The following ASAH2 variants were observed in gnomAD, a reference collection of about 807,000 sequenced individuals.
ASAH2 encodes neutral ceramidase.
In ASAH2, 58 loss-of-function variants were observed where a neutral mutation model predicts 82.9. That is an observed-to-expected ratio of 0.70 (90% CI 0.57 to 0.87). ASAH2 has a LOEUF of 0.87. Ranked by LOEUF, ASAH2 falls within the 40% of genes least tolerant of loss-of-function variation. ASAH2 has a pLI of 0.00. For synonymous variants in ASAH2, 276 were observed against 289.7 expected (o/e 0.95, Z 0.48); for missense variants, 779 against 834.0 (o/e 0.93, Z 0.81).
At chr10:50,235,849 A>G in intron 5 of ASAH2, 39 bp downstream of exon 5, 2 of 1,602,384 alleles carry the variant, frequency 1.2e-6, no homozygotes, top group Non-Finnish European at 1.7e-6. Context: ...ACCTGTAAGC[A>G]ATGGTAAAGA....
chr10:50,235,693 A>C (rs1433306250), intron 5 of ASAH2, among the ~76,000 whole-genome samples, 195 bp downstream of exon 5: 2 of 152,222 alleles, frequency 1.3e-5, no homozygotes, highest in African/African-American at 4.8e-5. Context: ...TTTTCCAATC[A>C]TCCATGCCTC....
At chr10:50,212,014 C>A (rs1440354864) in intron 10 of ASAH2, among the ~76,000 whole-genome samples, 1 of 152,182 alleles carries the variant, frequency 6.6e-6, no homozygotes, top group Non-Finnish European at 1.5e-5. Context: ...TAAATAGAAT[C>A]TGTGAATTTA....
At chr10:50,234,371 G>T in intron 6 of ASAH2, 54 bp downstream of exon 6, 4 of 1,611,452 alleles carry the variant, frequency 2.5e-6, no homozygotes, top group South Asian at 2.2e-5. Context: ...CTTAGATTTT[G>T]TTGCTGTTCC....
rs1564835331 is a variant in ASAH2 at position 50,202,838 on chromosome 10, T to C, written c.1752A>G (p.Glu584=). 6.2e-7 allele frequency: 1 copy of C among 1,605,218 alleles called. No homozygotes were observed. The highest frequency in any genetic ancestry group is 8.5e-7 in the Non-Finnish European group (1 of 1,172,350). Residue 584 remains glutamate, a synonymous_variant, in exon 16 of 21, where the codon GAA becomes GAG. Transcript: ENST00000682911. ...NVYTHYITTY[E]EYQAQRYEAA... Reference sequence around the variant, plus strand: ...AAACGTTTTGCTTTACCTGGTATTCTTCATAAGTGGTAATGTAATGTGTAT... The same window carrying C: ...AAACGTTTTGCTTTACCTGGTATTCCTCATAAGTGGTAATGTAATGTGTAT...
chr10:50,203,590 C>G, intron 15 of ASAH2, 50 bp downstream of exon 15: 2 of 904,934 alleles, frequency 2.2e-6, no homozygotes, highest in South Asian at 2.7e-5. Flanking sequence ...ATATACTTTC[C>G]TCTTCACCAA....
chr10:50,217,673 C>T (rs1845641392), intron 8 of ASAH2, among the ~76,000 whole-genome samples: 1 of 152,182 alleles, frequency 6.6e-6, no homozygotes, highest in Non-Finnish European at 1.5e-5. Context: ...AAATAAACCT[C>T]TTTTCTTTAT....
chr10:50,210,113 A>G (rs1168560578), intron 12 of ASAH2, among the ~76,000 whole-genome samples: 1 of 152,210 alleles, frequency 6.6e-6, no homozygotes, highest in Admixed American at 6.5e-5. Flanking sequence ...TAGATTCATA[A>G]TAACCAAAAC....
chr10:50,238,687 A>C (rs1412725522), intron 4 of ASAH2, among the ~76,000 whole-genome samples: 2 of 152,180 alleles, frequency 1.3e-5, no homozygotes, highest in African/African-American at 4.8e-5. Flanking sequence ...GCCACGAGTC[A>C]ACTTTAAAGC....
chr10:50,208,750 A>G (rs942162513), intron 12 of ASAH2, among the ~76,000 whole-genome samples: 9 of 152,166 alleles, frequency 5.9e-5, no homozygotes, highest in African/African-American at 2.2e-4. Flanking sequence ...ATTAATCTGT[A>G]AATTCAATGA....
intron 18 of ASAH2, among the ~76,000 whole-genome samples, chr10:50,193,534 T>A (rs1371588462): frequency 4.6e-5 from 7 of 151,146 alleles, no homozygotes; most frequent in African/African-American, 1.7e-4. Context: ...CAGAGAACAG[T>A]CCCCAGGCTC....
chr10:50,203,578 G>GGT, intron 15 of ASAH2, 62 bp downstream of exon 15: 5 of 485,160 alleles, frequency 1.0e-5, no homozygotes, highest in South Asian at 2.2e-5. Flanking sequence ...CATAGGGATA[G>GGT]GATATACTTT....
intron 4 of ASAH2, among the ~76,000 whole-genome samples, chr10:50,241,237 C>G (rs1230249185): frequency 6.6e-6 from 1 of 152,194 alleles, no homozygotes; most frequent in Non-Finnish European, 1.5e-5. Context: ...GACAGAATTC[C>G]TGACCCATAG....
At chr10:50,229,200 A>T (rs1589347060) in intron 7 of ASAH2, among the ~76,000 whole-genome samples, 1 of 152,070 alleles carries the variant, frequency 6.6e-6, no homozygotes, top group East Asian at 1.9e-4. Flanking sequence ...ATTTTCCTCT[A>T]TTGGATGACA....
intron 18 of ASAH2, among the ~76,000 whole-genome samples, chr10:50,196,183 GA>G (rs1439235540): frequency 1.3e-5 from 2 of 151,546 alleles, no homozygotes; most frequent in African/African-American, 4.8e-5. Flanking sequence ...TTATCAAGTA[GA>G]AAATTAAATA....
At chr10:50,213,307 A>C (rs1188352910) in intron 9 of ASAH2, among the ~76,000 whole-genome samples, 1 of 152,154 alleles carries the variant, frequency 6.6e-6, no homozygotes, top group African/African-American at 2.4e-5. Context: ...TCAGGTTAAA[A>C]GATGTGTTGC....
At chr10:50,210,410 G>A (rs1845421738) in intron 12 of ASAH2, among the ~76,000 whole-genome samples, 1 of 152,138 alleles carries the variant, frequency 6.6e-6, no homozygotes, top group African/African-American at 2.4e-5. Context: ...TGAGGCAGGA[G>A]AATAGCTTGA....
intron 7 of ASAH2, among the ~76,000 whole-genome samples, chr10:50,223,869 A>G (rs944326672): frequency 2.6e-5 from 4 of 152,196 alleles, no homozygotes; most frequent in Non-Finnish European, 5.9e-5. Flanking sequence ...TCTACAAGCC[A>G]ATGAAGCCAA....
intron 18 of ASAH2, among the ~76,000 whole-genome samples, chr10:50,194,308 T>C (rs1409522009): frequency 6.6e-6 from 1 of 151,420 alleles, no homozygotes; most frequent in Non-Finnish European, 1.5e-5. Context: ...TTATACACCA[T>C]GACTAAATGA....
At chr10:50,231,351 C>T (rs1263996492) in intron 7 of ASAH2, among the ~76,000 whole-genome samples, 3 of 152,106 alleles carry the variant, frequency 2.0e-5, no homozygotes, top group African/African-American at 4.8e-5. Flanking sequence ...GTGAGAAATC[C>T]CATGACTCCT....
Sources: gnomAD v4.1 joint callset for allele counts (sites outside exome capture counted in the v4.1 genomes callset) on GRCh38, gnomAD v4.1.1 for gene constraint, MANE v1.5 for transcripts, NCBI Gene and HGNC (gene_info 2026-07-23, HGNC 2026-07-21) for gene names.